Variants in ADGRL2 observed in about 807,000 individuals in gnomAD.
ADGRL2 encodes the protein calcium-independent alpha-latrotoxin receptor 2.
Under a neutral mutation model 157.4 loss-of-function variants are expected in ADGRL2, and 44 were observed. The observed-to-expected ratio is 0.28, with a 90% CI of 0.22 to 0.36. ADGRL2 has a LOEUF of 0.36. Ranked by LOEUF, ADGRL2 falls within the 10% of genes least tolerant of loss-of-function variation. The probability of loss-of-function intolerance (pLI) is 1.00; values close to 1 mark genes in which losing one functional copy is unlikely to be tolerated. For missense variants in ADGRL2, 1,510 were observed against 1,768.9 expected, an observed-to-expected ratio of 0.85 and a Z score of 2.63; for synonymous variants, 585 against 624.7, an observed-to-expected ratio of 0.94 and a Z score of 0.95.
chr1:81,686,283 T>C (rs1206670391), intron 3 of ADGRL2, among the ~76,000 whole-genome samples: 1 of 152,180 alleles, frequency 6.6e-6, no homozygotes. Context: ...TTTGTGTTAG[T>C]AATTTTTTAA....
chr1:81,750,051 CAAAT>C (rs1421706684), intron 1 of ADGRL2, among the ~76,000 whole-genome samples: 1 of 152,138 alleles, frequency 6.6e-6, no homozygotes, highest in Non-Finnish European at 1.5e-5. Flanking sequence ...TTTAGTTTCT[CAAAT>C]AAAAAGAAAA....
At chr1:81,518,150 G>T (rs1432378103) in intron 2 of ADGRL2, among the ~76,000 whole-genome samples, 2 of 152,228 alleles carry the variant, frequency 1.3e-5, no homozygotes, top group African/African-American at 4.8e-5. Context: ...GTAGGAACGC[G>T]TGAAAGGAAA....
At chr1:81,439,772 A>G (rs1317120487) in intron 1 of ADGRL2, among the ~76,000 whole-genome samples, 2 of 152,194 alleles carry the variant, frequency 1.3e-5, no homozygotes, top group African/African-American at 4.8e-5. Flanking sequence ...CCATTGTGTG[A>G]GGTGGCTGCC....
intron 3 of ADGRL2, among the ~76,000 whole-genome samples, chr1:81,690,024 T>G (rs1374684926): frequency 6.6e-6 from 1 of 152,122 alleles, no homozygotes; most frequent in Non-Finnish European, 1.5e-5. Flanking sequence ...CAAATTTTCC[T>G]TTGACCCCAA....
At chr1:81,786,722 GGTAACTTTTA>G (rs2087066431) in intron 2 of ADGRL2, among the ~76,000 whole-genome samples, 1 of 152,126 alleles carries the variant, frequency 6.6e-6, no homozygotes, top group South Asian at 2.1e-4. Context: ...AACTACTTCT[GGTAACTTTTA>G]GTGAAGGCTT....
intron 3 of ADGRL2, among the ~76,000 whole-genome samples, chr1:81,598,343 C>T (rs1486568876): frequency 6.6e-6 from 1 of 152,016 alleles, no homozygotes; most frequent in African/African-American, 2.4e-5. Flanking sequence ...ATTTCTTGTT[C>T]TCAAAGTGTA....
intron 1 of ADGRL2, among the ~76,000 whole-genome samples, chr1:81,435,162 C>T (rs992137076): frequency 7.9e-5 from 12 of 152,250 alleles, no homozygotes; most frequent in African/African-American, 2.9e-4. Flanking sequence ...AATAAAATTA[C>T]ATTTACTTTT....
intron 11 of ADGRL2, among the ~76,000 whole-genome samples, chr1:81,956,273 G>A (rs1653481184): frequency 6.6e-6 from 1 of 152,146 alleles, no homozygotes; most frequent in Admixed American, 6.5e-5. Flanking sequence ...GGTTTTATGT[G>A]TGTGTGTTTT....
chr1:81,641,517 A>G (rs1291931426), intron 3 of ADGRL2, among the ~76,000 whole-genome samples: 2 of 152,238 alleles, frequency 1.3e-5, no homozygotes, highest in South Asian at 2.1e-4. Context: ...AATCGACAAC[A>G]GAAAAATAGC....
rs1284269208 is a variant in ADGRL2 at position 81,448,733 on chromosome 1, T to C, written c.-248+3644T>C. On this transcript the variant is annotated intron_variant, in intron 2 of 24. Coordinates refer to the ADGRL2 transcript ENST00000370721. The stretch of plus-strand genomic sequence containing the variant: ...CAAAAAAACAATGAAAGGGTTATTT[T>C]AAATTGGACCCTCCTCATATTCCAC... Among the ~76,000 whole-genome samples the C allele has an allele frequency of 2.0e-5, 3 of 152,108 alleles. No homozygotes were observed. The East Asian group carries it at 5.8e-4, about 29-fold the overall frequency.
At chr1:81,663,665 C>T (rs2082701555) in intron 3 of ADGRL2, among the ~76,000 whole-genome samples, 1 of 152,094 alleles carries the variant, frequency 6.6e-6, no homozygotes, top group Admixed American at 6.6e-5. Context: ...TTAGGTTAGG[C>T]CTGATTGATT....
chr1:81,720,273 C>G (rs2084262172), intron 1 of ADGRL2, among the ~76,000 whole-genome samples: 1 of 150,356 alleles, frequency 6.7e-6, no homozygotes, highest in Non-Finnish European at 1.5e-5. Context: ...ACCTCTGCCT[C>G]CCAGGTTCAA....
chr1:81,555,233 AGAGCCAAATAATGCT>A (rs1244852320), intron 2 of ADGRL2, among the ~76,000 whole-genome samples: 5 of 151,300 alleles, frequency 3.3e-5, no homozygotes, highest in Non-Finnish European at 7.4e-5. Flanking sequence ...TCACCCAGTG[AGAGCCAAATAATGCT>A]GGTCTCTATT....
At chr1:81,859,647 A>T (rs976690225) in intron 2 of ADGRL2, among the ~76,000 whole-genome samples, 1 of 152,052 alleles carries the variant, frequency 6.6e-6, no homozygotes, top group South Asian at 2.1e-4. Flanking sequence ...AGCTCAAGCA[A>T]TCCACCCACC....
intron 1 of ADGRL2, among the ~76,000 whole-genome samples, chr1:81,703,143 G>T (rs189158527): frequency 6.6e-6 from 1 of 152,162 alleles, no homozygotes; most frequent in African/African-American, 2.4e-5. Context: ...AGATTTGTGG[G>T]CTGAAATATG....
At chr1:81,808,295 C>T (rs1221560352) in intron 1 of ADGRL2, among the ~76,000 whole-genome samples, 1 of 151,922 alleles carries the variant, frequency 6.6e-6, no homozygotes, top group Non-Finnish European at 1.5e-5. Flanking sequence ...TGAAAAACAA[C>T]AGAAATTAGA....
At chr1:81,487,824 G>T (rs1392359398) in intron 2 of ADGRL2, among the ~76,000 whole-genome samples, 1 of 152,002 alleles carries the variant, frequency 6.6e-6, no homozygotes, top group Non-Finnish European at 1.5e-5. Flanking sequence ...AGGAGGAGAT[G>T]TACAAATATA....
chr1:81,363,909 A>G (rs1407438208), intron 1 of ADGRL2, among the ~76,000 whole-genome samples: 1 of 152,176 alleles, frequency 6.6e-6, no homozygotes, highest in African/African-American at 2.4e-5. Flanking sequence ...TTCTGTAAAT[A>G]TCTACTGTAT....
chr1:81,315,259 A>G (rs17106399), intron 1 of ADGRL2, among the ~76,000 whole-genome samples: 32,119 of 151,980 alleles, frequency 0.21, 3,498 homozygotes, highest in Admixed American at 0.27. Flanking sequence ...CATGTGATAC[A>G]ATATCATTGG....
Sources: allele counts gnomAD v4.1 joint callset (sites outside exome capture counted in the v4.1 genomes callset), GRCh38; gene constraint gnomAD v4.1.1; transcripts MANE v1.5; gene names NCBI Gene and HGNC (gene_info 2026-07-23, HGNC 2026-07-21).